AUTS2: variants seen among roughly 807,000 people sequenced by gnomAD.
The protein encoded by AUTS2 is autism susceptibility gene 2 protein.
Under a neutral mutation model 112.4 loss-of-function variants are expected in AUTS2, and 17 were observed. The observed-to-expected ratio is 0.15, with a 90% CI of 0.10 to 0.23. AUTS2 has a LOEUF of 0.23. Among genes scored for constraint, AUTS2 ranks in the 10% least tolerant of loss-of-function variants. AUTS2 has a pLI of 1.00. For synonymous variants in AUTS2, 751 were observed against 702.7 expected (o/e 1.07, Z -1.09); for missense variants, 1,510 against 1,701.6 (o/e 0.89, Z 1.98).
intron 2 of AUTS2, among the ~76,000 whole-genome samples, chr7:70,108,148 A>G (rs1048565267): frequency 2.0e-5 from 3 of 152,158 alleles, no homozygotes; most frequent in African/African-American, 7.2e-5. Flanking sequence ...AGCTATGGAC[A>G]GTGTAGGGGC....
At chr7:69,635,463 G>A (rs1342202342) in intron 1 of AUTS2, among the ~76,000 whole-genome samples, 1 of 152,178 alleles carries the variant, frequency 6.6e-6, no homozygotes, top group Non-Finnish European at 1.5e-5. Context: ...TATCTGCGGG[G>A]AAAAGTAGAG....
intron 1 of AUTS2, among the ~76,000 whole-genome samples, chr7:69,784,113 A>G (rs934383416): frequency 2.6e-5 from 4 of 152,174 alleles, no homozygotes; most frequent in Admixed American, 6.5e-5. Flanking sequence ...CGTTGTCTAC[A>G]CAGGCTTGGA....
intron 2 of AUTS2, among the ~76,000 whole-genome samples, chr7:70,056,728 C>T (rs1168966104): frequency 1.3e-5 from 2 of 152,150 alleles, no homozygotes; most frequent in Non-Finnish European, 2.9e-5. Flanking sequence ...GGATTGGCAA[C>T]TGTGTGAGGT....
intron 1 of AUTS2, among the ~76,000 whole-genome samples, chr7:69,668,463 A>G (rs563067894): frequency 6.6e-6 from 1 of 152,330 alleles, no homozygotes; most frequent in Non-Finnish European, 1.5e-5. Context: ...GAAGGAGGGA[A>G]ACTACCCATC....
At chr7:69,959,145 A>G (rs1446928542) in intron 2 of AUTS2, among the ~76,000 whole-genome samples, 1 of 152,138 alleles carries the variant, frequency 6.6e-6, no homozygotes, top group East Asian at 1.9e-4. Flanking sequence ...TTGATTTTTC[A>G]TGGTCTCTAC....
At position 69,652,787 on chromosome 7, in the gene AUTS2, G is replaced by A. The variant is rs76305907; in HGVS notation, c.309+52825G>A. Among the ~76,000 whole-genome samples, 30 of 152,230 alleles carry A rather than the reference G, an allele frequency of 2.0e-4. No individual in the cohort carries two copies. The East Asian group carries it at 2.9e-3, about 15-fold the overall frequency. On this transcript the variant is annotated intron_variant, in intron 1 of 18. Transcript: ENST00000342771. ...AAAGTATGCTTACTACATCGATAGT[G>A]GGGGCTGGAGGAACTGTGAAAAAAG...
intron 1 of AUTS2, among the ~76,000 whole-genome samples, chr7:69,627,717 G>T (rs1794024677): frequency 6.6e-6 from 1 of 152,086 alleles, no homozygotes; most frequent in South Asian, 2.1e-4. Context: ...AGGTCACGGT[G>T]TCCTGTGGAT....
intron 5 of AUTS2, among the ~76,000 whole-genome samples, chr7:70,476,141 T>G (rs1232407810): frequency 6.6e-6 from 1 of 152,220 alleles, no homozygotes; most frequent in African/African-American, 2.4e-5. Context: ...TTAGTTATCT[T>G]GGGTATATAC....
chr7:70,411,104 A>G (rs917193435), intron 4 of AUTS2, among the ~76,000 whole-genome samples: 1 of 152,242 alleles, frequency 6.6e-6, no homozygotes, highest in East Asian at 1.9e-4. Context: ...ACCTCAGGTG[A>G]TCCGCCCGCC....
rs112416546 is a variant in AUTS2 at position 70,741,551 on chromosome 7, C to T, written c.743-21319C>T. The stretch of plus-strand genomic sequence containing the variant: ...TACTAAAAATACAAAATTATCCGGG[C>T]GTGGTGGCACATGCCTGTAATCCCA... On this transcript the variant is annotated intron_variant, in intron 6 of 18. Coordinates refer to ENST00000342771, the MANE Select transcript of AUTS2 (RefSeq NM_015570.4). Among the ~76,000 whole-genome samples, 765 of 151,932 alleles carry T rather than the reference C, an allele frequency of 5.0e-3. 8 individuals are homozygous for T. The highest frequency in any genetic ancestry group is 0.017 in the African/African-American group (714 of 41,476).
chr7:69,707,175 C>G (rs1798097187), intron 1 of AUTS2, among the ~76,000 whole-genome samples: 1 of 152,116 alleles, frequency 6.6e-6, no homozygotes, highest in Non-Finnish European at 1.5e-5. Context: ...GCAGTGGGTC[C>G]ATTGGTTAGC....
chr7:70,238,603 C>A (rs1812446891), intron 4 of AUTS2, among the ~76,000 whole-genome samples: 1 of 152,140 alleles, frequency 6.6e-6, no homozygotes, highest in Admixed American at 6.5e-5. Flanking sequence ...CTGTATCATG[C>A]TTTACATTTT....
intron 4 of AUTS2, among the ~76,000 whole-genome samples, chr7:70,430,168 C>T (rs528205568): frequency 9.2e-5 from 14 of 152,086 alleles, no homozygotes; most frequent in African/African-American, 3.1e-4. Flanking sequence ...AAGATAAGTC[C>T]GCTCAAGGAT....
intron 14 of AUTS2, among the ~76,000 whole-genome samples, chr7:70,780,149 C>A (rs1489178841): frequency 6.6e-6 from 1 of 152,090 alleles, no homozygotes; most frequent in Non-Finnish European, 1.5e-5. Flanking sequence ...CCCAGGACCC[C>A]ATGCCTTGGG....
At chr7:70,706,207 C>T (rs549291985) in intron 6 of AUTS2, among the ~76,000 whole-genome samples, 5 of 152,248 alleles carry the variant, frequency 3.3e-5, no homozygotes, top group East Asian at 1.9e-4. Context: ...GCCAATCAGC[C>T]GCAGGTTTCT....
intron 5 of AUTS2, chr7:70,436,902 AGAC>A (rs1795916115): frequency 6.6e-6 from 1 of 152,246 alleles, no homozygotes; most frequent in African/African-American, 2.4e-5. Flanking sequence ...ATTCAGATGA[AGAC>A]AAATGGTGCT....
At chr7:70,589,627 T>C (rs1260482923) in intron 5 of AUTS2, among the ~76,000 whole-genome samples, 1 of 152,112 alleles carries the variant, frequency 6.6e-6, no homozygotes, top group Non-Finnish European at 1.5e-5. Context: ...GGCAGGAGAA[T>C]AGCTTGAACC....
At chr7:70,122,231 T>C (rs1481708000) in intron 3 of AUTS2, among the ~76,000 whole-genome samples, 1 of 152,184 alleles carries the variant, frequency 6.6e-6, no homozygotes, top group Non-Finnish European at 1.5e-5. Flanking sequence ...TTACAGAGTT[T>C]CTTTTTGGGG....
At chr7:70,491,659 G>A (rs1798251863) in intron 5 of AUTS2, among the ~76,000 whole-genome samples, 1 of 149,808 alleles carries the variant, frequency 6.7e-6, no homozygotes, top group African/African-American at 2.5e-5. Flanking sequence ...CTGTTGTCCA[G>A]GCTAGAGTGC....
Sources: gnomAD v4.1 joint callset for allele counts (sites outside exome capture counted in the v4.1 genomes callset) on GRCh38, gnomAD v4.1.1 for gene constraint, MANE v1.5 for transcripts, NCBI Gene and HGNC (gene_info 2026-07-23, HGNC 2026-07-21) for gene names.